Variants in KDM4C observed in about 807,000 individuals in gnomAD.
KDM4C encodes the protein lysine-specific demethylase 4C.
In KDM4C, 81 loss-of-function variants were observed where a neutral mutation model predicts 129.3. That is an observed-to-expected ratio of 0.63 (90% CI 0.52 to 0.75). The LOEUF (loss-of-function observed/expected upper bound fraction) is 0.75, where lower values mean the gene tolerates loss of function less well. Ranked by LOEUF, KDM4C falls within the 30% of genes least tolerant of loss-of-function variation. The pLI, the probability that KDM4C is intolerant of heterozygous loss-of-function variation, is 0.00. For synonymous variants in KDM4C, 573 were observed against 456.1 expected, an observed-to-expected ratio of 1.26 and a Z score of -3.26; for missense variants, 1,457 against 1,304.0, an observed-to-expected ratio of 1.12 and a Z score of -1.81.
intron 5 of KDM4C, among the ~76,000 whole-genome samples, chr9:6,866,376 G>T (rs904985735): frequency 6.6e-6 from 1 of 152,140 alleles, no homozygotes; most frequent in Non-Finnish European, 1.5e-5. Flanking sequence ...TAAAGGATCA[G>T]AGTGCCCCCT....
At chr9:6,764,186 TAGG>T (rs1820159533) in intron 1 of KDM4C, among the ~76,000 whole-genome samples, 2 of 152,214 alleles carry the variant, frequency 1.3e-5, no homozygotes, top group South Asian at 4.1e-4. Flanking sequence ...TAGAGAATGG[TAGG>T]AGTACTTACA....
chr9:6,844,493 G>A lies in KDM4C; in HGVS notation c.436-5014G>A, dbSNP rs571646344. ...TTCCTTTAATATGTTGTCCCACACA[G>A]CACTGTTTTACATGATGTAAATGTG... On this transcript the variant is annotated intron_variant, in intron 4 of 21. Coordinates refer to ENST00000381309, the MANE Select transcript of KDM4C (RefSeq NM_015061.6). Among the ~76,000 whole-genome samples the A allele has an allele frequency of 6.6e-5, 10 of 152,266 alleles. No individual in the cohort carries two copies. The East Asian group carries it at 1.7e-3, about 26-fold the overall frequency.
chr9:7,170,429 G>T (rs1463685618), intron 21 of KDM4C: 7 of 988,206 alleles, frequency 7.1e-6, no homozygotes, highest in Non-Finnish European at 8.4e-6. Context: ...TGCTAGTTGT[G>T]GGAATACTAA....
At chr9:6,789,012 ATAGTAGT>A (rs1826003019) in intron 1 of KDM4C, among the ~76,000 whole-genome samples, 1 of 151,756 alleles carries the variant, frequency 6.6e-6, no homozygotes, top group African/African-American at 2.4e-5. Context: ...GGACGAGGCC[ATAGTAGT>A]TAGGTGAGGG....
chr9:6,769,053 G>A (rs943380697), intron 1 of KDM4C, among the ~76,000 whole-genome samples: 3 of 152,016 alleles, frequency 2.0e-5, no homozygotes, highest in Non-Finnish European at 4.4e-5. Context: ...GATTACAAGC[G>A]TGAGCCACTA....
intron 19 of KDM4C, among the ~76,000 whole-genome samples, chr9:7,154,652 A>G (rs1272427341): frequency 1.3e-5 from 2 of 152,196 alleles, no homozygotes; most frequent in Non-Finnish European, 2.9e-5. Context: ...CAGGAATGTA[A>G]TGACACCATC....
chr9:6,729,923 A>C (rs1157654448), intron 1 of KDM4C, among the ~76,000 whole-genome samples: 1 of 134,090 alleles, frequency 7.5e-6, no homozygotes, highest in Non-Finnish European at 1.5e-5. Flanking sequence ...CAGCCTGGCC[A>C]ACATGGCGAA....
intron 17 of KDM4C, among the ~76,000 whole-genome samples, chr9:7,061,259 T>TAGTTGAGCCATGCTTACATCTCCTCA (rs2132689338): frequency 1.3e-5 from 2 of 152,304 alleles, no homozygotes; most frequent in Admixed American, 1.3e-4. Flanking sequence ...AATTTATTCA[T>TAGTTGAGCCATGCTTACATCTCCTCA]AGTTGAGCCA....
chr9:6,780,723 C>T (rs1177608553), intron 1 of KDM4C, among the ~76,000 whole-genome samples: 1 of 145,734 alleles, frequency 6.9e-6, no homozygotes, highest in African/African-American at 2.6e-5. Flanking sequence ...AGCCGAGATT[C>T]CGCCATTGTA....
At chr9:7,112,798 T>C (rs971614027) in intron 18 of KDM4C, among the ~76,000 whole-genome samples, 2 of 152,240 alleles carry the variant, frequency 1.3e-5, no homozygotes, top group African/African-American at 4.8e-5. Flanking sequence ...AACCAGAATT[T>C]AGCTAACACT....
At chr9:6,767,739 G>A (rs374881849) in intron 1 of KDM4C, among the ~76,000 whole-genome samples, 1 of 152,152 alleles carries the variant, frequency 6.6e-6, no homozygotes, top group African/African-American at 2.4e-5. Flanking sequence ...GATTACAGGC[G>A]TGATCTTCTG....
intron 8 of KDM4C, among the ~76,000 whole-genome samples, chr9:6,950,414 G>A (rs905685239): frequency 1.4e-4 from 21 of 152,162 alleles, no homozygotes; most frequent in Non-Finnish European, 1.2e-4. Context: ...CTTTGAGAGT[G>A]CAGCCTCTAG....
chr9:7,002,873 G>T (rs1820983475), intron 12 of KDM4C, among the ~76,000 whole-genome samples: 1 of 152,170 alleles, frequency 6.6e-6, no homozygotes, highest in South Asian at 2.1e-4. Context: ...CTACACTCTT[G>T]TGTTTTAGAT....
intron 19 of KDM4C, among the ~76,000 whole-genome samples, chr9:7,134,387 A>C (rs940564082): frequency 1.3e-5 from 2 of 152,220 alleles, no homozygotes; most frequent in African/African-American, 2.4e-5. Context: ...GCATAAAAAA[A>C]GAACAAACTC....
intron 15 of KDM4C, among the ~76,000 whole-genome samples, chr9:7,022,669 A>G (rs1825092070): frequency 7.2e-6 from 1 of 138,896 alleles, no homozygotes; most frequent in South Asian, 2.3e-4. Flanking sequence ...TACGCTGGCT[A>G]GGATTTCCAG....
chr9:6,951,911 C>T (rs1352891972), intron 8 of KDM4C, among the ~76,000 whole-genome samples: 1 of 152,090 alleles, frequency 6.6e-6, no homozygotes, highest in African/African-American at 2.4e-5. Context: ...GATCTTTTGT[C>T]ATTTTAAGTT....
rs1029828090 is a variant in KDM4C at position 7,170,764 on chromosome 9, T to C, written c.2994+874T>C. On this transcript the variant is annotated intron_variant, in intron 21 of 21. Coordinates refer to ENST00000381309, the MANE Select transcript of KDM4C (RefSeq NM_015061.6). ...CTTATGATATACTTGTCTGCAGTGA[T>C]AGAGTCACTATAGATTATTTGGTTA... The C allele has an allele frequency of 4.1e-6, 4 of 983,464 alleles. No homozygotes were observed. The African/African-American group carries it at 7.0e-5, about 17-fold the overall frequency. The allele number at this position is 983,464 out of a possible 1,614,324, so 60.9% of individuals were successfully genotyped here. A position where few individuals can be genotyped will look rare whatever the true frequency, so the allele number is the denominator to read the frequency against.
At chr9:6,760,196 A>G (rs1819134490) in intron 1 of KDM4C, among the ~76,000 whole-genome samples, 1 of 151,786 alleles carries the variant, frequency 6.6e-6, no homozygotes, top group Admixed American at 6.6e-5. Context: ...ATATACATGG[A>G]ATAATACACT....
At chr9:7,151,194 A>G (rs1478439216) in intron 19 of KDM4C, among the ~76,000 whole-genome samples, 1 of 152,194 alleles carries the variant, frequency 6.6e-6, no homozygotes, top group East Asian at 1.9e-4. Context: ...GGAATTCACC[A>G]AATAAGTTTT....
Sources: allele counts gnomAD v4.1 joint callset (sites outside exome capture counted in the v4.1 genomes callset), GRCh38; gene constraint gnomAD v4.1.1; transcripts MANE v1.5; gene names NCBI Gene and HGNC (gene_info 2026-07-23, HGNC 2026-07-21).